The following CFAP299 variants were observed in gnomAD, a reference collection of about 807,000 sequenced individuals.
CFAP299 encodes cilia and flagella associated protein 299.
Under a neutral mutation model 27.0 loss-of-function variants are expected in CFAP299, and 21 were observed. The observed-to-expected ratio is 0.78, with a 90% CI of 0.55 to 1.12. The LOEUF (loss-of-function observed/expected upper bound fraction) is 1.12. CFAP299 is among the 50% of genes most tolerant of loss of function. The probability of loss-of-function intolerance (pLI) is 0.00; values close to 1 mark genes in which losing one functional copy is unlikely to be tolerated. For synonymous variants in CFAP299, 104 were observed against 98.1 expected (o/e 1.06, Z -0.36); for missense variants, 310 against 276.6 (o/e 1.12, Z -0.86).
At chr4:80,568,042 T>G (rs1421297236) in intron 2 of CFAP299, among the ~76,000 whole-genome samples, 1 of 151,766 alleles carries the variant, frequency 6.6e-6, no homozygotes, top group Non-Finnish European at 1.5e-5. Context: ...ACTTCAAAAA[T>G]TTTGAGGAAA....
chr4:80,615,400 G>A (rs1386195295), intron 3 of CFAP299, among the ~76,000 whole-genome samples: 3 of 152,178 alleles, frequency 2.0e-5, no homozygotes, highest in South Asian at 4.2e-4. Context: ...TATAAGAAAT[G>A]GGTTGTTGGA....
intron 3 of CFAP299, among the ~76,000 whole-genome samples, chr4:80,606,274 C>T (rs976048054): frequency 5.9e-5 from 9 of 152,256 alleles, no homozygotes; most frequent in East Asian, 5.8e-4. Flanking sequence ...TGGTGGCTCA[C>T]GCTTGTAATC....
intron 3 of CFAP299, among the ~76,000 whole-genome samples, chr4:80,850,442 T>A (rs139809780): frequency 1.3e-4 from 20 of 152,186 alleles, no homozygotes; most frequent in Admixed American, 1.2e-3. Context: ...AAAATGGTAA[T>A]ACTTTATTTC....
At chr4:80,479,790 A>G (rs1185728144) in intron 2 of CFAP299, among the ~76,000 whole-genome samples, 1 of 152,024 alleles carries the variant, frequency 6.6e-6, no homozygotes, top group African/African-American at 2.4e-5. Flanking sequence ...GTTTCGTTCA[A>G]TAAAGTTAGC....
intron 4 of CFAP299, among the ~76,000 whole-genome samples, chr4:80,910,337 T>C (rs544096444): frequency 2.0e-5 from 3 of 152,180 alleles, no homozygotes; most frequent in Admixed American, 2.0e-4. Context: ...TGGGTATATA[T>C]GTAAAGGAAT....
intron 2 of CFAP299, among the ~76,000 whole-genome samples, chr4:80,432,653 C>A (rs1003861948): frequency 6.6e-6 from 1 of 151,628 alleles, no homozygotes; most frequent in Non-Finnish European, 1.5e-5. Flanking sequence ...CTGCCTCAGC[C>A]TCCAGAGTAG....
intron 2 of CFAP299, among the ~76,000 whole-genome samples, chr4:80,445,990 G>T (rs1466121131): frequency 6.6e-6 from 1 of 152,214 alleles, no homozygotes; most frequent in African/African-American, 2.4e-5. Flanking sequence ...CCGCCTGAAA[G>T]TTTGAAATGG....
chr4:80,380,423 T>G (rs905642042), intron 2 of CFAP299, among the ~76,000 whole-genome samples: 1 of 13,238 alleles, frequency 7.6e-5, no homozygotes, highest in East Asian at 1.5e-3. Flanking sequence ...GTGTCTCACA[T>G]TTTTTTTTTT....
At chr4:80,877,607 C>T (rs1210544956) in intron 4 of CFAP299, among the ~76,000 whole-genome samples, 2 of 150,244 alleles carry the variant, frequency 1.3e-5, no homozygotes, top group Non-Finnish European at 2.9e-5. Flanking sequence ...TTTATTGACA[C>T]TGACTGTGGT....
At chr4:80,538,596 A>G (rs1733857496) in intron 2 of CFAP299, among the ~76,000 whole-genome samples, 2 of 151,852 alleles carry the variant, frequency 1.3e-5, no homozygotes, top group African/African-American at 2.4e-5. Flanking sequence ...TGTACCTTTT[A>G]TAAGTTTAGA....
At chr4:80,777,196 T>C (rs1207269908) in intron 3 of CFAP299, among the ~76,000 whole-genome samples, 3 of 152,156 alleles carry the variant, frequency 2.0e-5, no homozygotes, top group Non-Finnish European at 4.4e-5. Flanking sequence ...AGCATTTGTG[T>C]TTTGGAGGGA....
chr4:80,838,538 C>G (rs971986479), intron 3 of CFAP299, among the ~76,000 whole-genome samples: 1 of 151,906 alleles, frequency 6.6e-6, no homozygotes, highest in Non-Finnish European at 1.5e-5. Flanking sequence ...CCATTGCTTG[C>G]TTTTTGTCAG....
At chr4:80,406,090 G>C (rs1726403079) in intron 2 of CFAP299, among the ~76,000 whole-genome samples, 1 of 152,096 alleles carries the variant, frequency 6.6e-6, no homozygotes, top group South Asian at 2.1e-4. Context: ...TCCCACACAA[G>C]ATCAAAGAGG....
At chr4:80,343,463 TAAC>T (rs1211615407) in intron 1 of CFAP299, among the ~76,000 whole-genome samples, 1 of 152,108 alleles carries the variant, frequency 6.6e-6, no homozygotes, top group African/African-American at 2.4e-5. Flanking sequence ...ACTGAAATAA[TAAC>T]AGTCTATCAG....
chr4:80,381,269 T>C (rs1724684487), intron 2 of CFAP299, among the ~76,000 whole-genome samples: 1 of 152,228 alleles, frequency 6.6e-6, no homozygotes, highest in Non-Finnish European at 1.5e-5. Flanking sequence ...TTTGGCCCTA[T>C]AGATTTTATA....
intron 3 of CFAP299, among the ~76,000 whole-genome samples, chr4:80,693,204 C>T (rs1293643221): frequency 6.6e-6 from 1 of 152,064 alleles, no homozygotes; most frequent in Non-Finnish European, 1.5e-5. Context: ...TGGGTATATA[C>T]CCAAAGGACT....
At chr4:80,661,464 T>A (rs189967579) in intron 3 of CFAP299, among the ~76,000 whole-genome samples, 17 of 152,288 alleles carry the variant, frequency 1.1e-4, no homozygotes, top group Non-Finnish European at 2.1e-4. Flanking sequence ...TTTTATAATT[T>A]CTTACACCTG....
At chr4:80,800,175 TATA>T (rs1457721463) in intron 3 of CFAP299, among the ~76,000 whole-genome samples, 3 of 70,492 alleles carry the variant, frequency 4.3e-5, no homozygotes, top group South Asian at 4.3e-4. Flanking sequence ...ACATATAATA[TATA>T]ATAATATGTA....
At position 80,574,001 on chromosome 4, in the gene CFAP299, AT is replaced by A. The variant is rs369043819; in HGVS notation, c.243-9090del. On this transcript the variant is annotated intron_variant, in intron 2 of 5. Coordinates refer to ENST00000358105, the MANE Select transcript of CFAP299 (RefSeq NM_152770.3). Reference sequence around the variant, plus strand: ...TTTTTCTATTTCTGTGAAGAATGTCATTGATATTTTTATATAGATTGCATTG... The same window carrying A: ...TTTTTCTATTTCTGTGAAGAATGTCATGATATTTTTATATAGATTGCATTG... 6.8e-3 allele frequency among the ~76,000 whole-genome samples: 1,034 copies of A among 152,092 alleles called. 13 individuals carry two copies. The highest frequency in any genetic ancestry group is 0.024 in the African/African-American group (994 of 41,518).
Sources: gnomAD v4.1 joint callset for allele counts (sites outside exome capture counted in the v4.1 genomes callset) on GRCh38, gnomAD v4.1.1 for gene constraint, MANE v1.5 for transcripts, NCBI Gene and HGNC (gene_info 2026-07-23, HGNC 2026-07-21) for gene names.